POU3F3: variants seen among roughly 807,000 people sequenced by gnomAD.
POU3F3 encodes the protein POU class 3 homeobox 3, also known as POU domain, class 3, transcription factor 3.
In POU3F3, 1 loss-of-function variant was observed where a neutral mutation model predicts 8.6. The observed-to-expected ratio is 0.12, with a 90% confidence interval of 0.04 to 0.55. POU3F3 has a LOEUF of 0.55. POU3F3 is among the 20% of genes least tolerant of loss of function. The probability of loss-of-function intolerance (pLI) is 0.91; values close to 1 mark genes in which losing one functional copy is unlikely to be tolerated. For synonymous variants in POU3F3, 418 were observed against 327.4 expected, an observed-to-expected ratio of 1.28 and a Z score of -2.99; for missense variants, 577 against 690.7, an observed-to-expected ratio of 0.84 and a Z score of 1.84.
At chr2:104,909,477 C>T in the POU3F3 span, among the ~76,000 whole-genome samples, 1 of 152,246 alleles carries the variant, frequency 6.6e-6, no homozygotes, top group African/African-American at 2.4e-5. Context: ...TCTAACTTGC[C>T]TGTGATCCAT....
chr2:104,893,893 A>G, the POU3F3 span, among the ~76,000 whole-genome samples: 2 of 152,022 alleles, frequency 1.3e-5, no homozygotes, highest in African/African-American at 2.4e-5. Context: ...CAAAAAAAAA[A>G]AAAAAAAAAA....
the POU3F3 span, among the ~76,000 whole-genome samples, chr2:104,890,440 C>T: frequency 6.6e-6 from 1 of 152,158 alleles, no homozygotes; most frequent in African/African-American, 2.4e-5. Context: ...ATTCTCTTTC[C>T]TCTCCATGGC....
At position 104,856,253 on chromosome 2, in the gene POU3F3, G is replaced by C; in HGVS notation, c.743G>C (p.Gly248Ala). The change falls in exon 1 of 1, where the codon GGC becomes GCC. Residue 248 changes from glycine (G) to alanine (A), a missense_variant. Physicochemically the swap from Gly to Ala is moderately conservative, Grantham distance 60 (BLOSUM62 0). Transcript: ENST00000361360. Reference protein sequence around the residue: ...PGPGGGGGGAGGGAQSLVHPG... With the variant: ...PGPGGGGGGAAGGAQSLVHPG... ...CCCGGCGGCGGCGGCGGCGGCGCGG[G>C]CGGTGGAGCCCAGAGCTTGGTGCAC... 7.7e-7 allele frequency: 1 copy of C among 1,294,714 alleles called. No individual in the cohort carries two copies. Among genetic ancestry groups the C allele is most frequent in the Non-Finnish European group, 9.7e-7 (1 of 1,031,268 alleles). 80.2% of individuals were successfully genotyped at this position (1,294,714 alleles called of 1,614,324 possible). A position where few individuals can be genotyped will look rare whatever the true frequency, so the allele number is the denominator to read the frequency against.
At chr2:104,886,235 G>A in the POU3F3 span, among the ~76,000 whole-genome samples, 15 of 152,184 alleles carry the variant, frequency 9.9e-5, no homozygotes, top group South Asian at 1.0e-3. Context: ...CATGTGATGC[G>A]TAACAACATT....
At position 104,855,612 on chromosome 2, in the gene POU3F3, T is replaced by TGGCGGC. The variant is rs1213851181; in HGVS notation, c.117_122dup (p.Gly42_Gly43dup). On this transcript the variant is annotated inframe_insertion, in exon 1 of 1. Coordinates refer to ENST00000361360, the MANE Select transcript of POU3F3 (RefSeq NM_006236.3). ...CGGCAGGGGCTGGCGGCGGCGGGGG[T>TGGCGGC]GGCGGCGGCGGCGGCGGCGGGGGCG... 1.1e-4 allele frequency: 72 copies of TGGCGGC among 643,576 alleles called. No homozygotes were observed. The highest frequency in any genetic ancestry group is 1.6e-3 in the Middle Eastern group (2 of 1,218). The allele number at this position is 643,576 out of a possible 1,614,324, so 39.9% of individuals were successfully genotyped here. A position where few individuals can be genotyped will look rare whatever the true frequency, so the allele number is the denominator to read the frequency against.
downstream of POU3F3, among the ~76,000 whole-genome samples, chr2:104,862,806 C>T (rs1202517173): frequency 6.6e-6 from 1 of 152,160 alleles, no homozygotes; most frequent in Non-Finnish European, 1.5e-5. Context: ...TTTGTATTCT[C>T]ATTAATAAAA....
the POU3F3 span, among the ~76,000 whole-genome samples, chr2:104,874,599 T>C: frequency 6.6e-6 from 1 of 152,102 alleles, no homozygotes; most frequent in Non-Finnish European, 1.5e-5. Flanking sequence ...CCTATCTTTA[T>C]GCCTTCAAGC....
chr2:104,859,737 T>C (rs767880501), downstream of POU3F3, among the ~76,000 whole-genome samples: 1 of 152,250 alleles, frequency 6.6e-6, no homozygotes, highest in Admixed American at 6.5e-5. Context: ...CACAATCATT[T>C]TGATTTGTGA....
At chr2:104,868,591 C>T in the POU3F3 span, among the ~76,000 whole-genome samples, 2 of 152,182 alleles carry the variant, frequency 1.3e-5, no homozygotes, top group African/African-American at 4.8e-5. Flanking sequence ...CAGGCCAGAC[C>T]TCCAGACACC....
the POU3F3 span, among the ~76,000 whole-genome samples, chr2:104,901,474 AG>A: frequency 6.6e-6 from 1 of 152,214 alleles, no homozygotes; most frequent in Non-Finnish European, 1.5e-5. Flanking sequence ...CACTGCCAAC[AG>A]AGGTCACCTA....
chr2:104,872,088 A>T, the POU3F3 span, among the ~76,000 whole-genome samples: 1 of 151,806 alleles, frequency 6.6e-6, no homozygotes, highest in African/African-American at 2.4e-5. This position sits in a 1 kb window ranked among gnomAD's most constrained non-coding sequence, Gnocchi z 4.6. Context: ...ACACACACAC[A>T]CACTCTTCCT....
At chr2:104,861,800 T>A (rs1676660660), downstream of POU3F3, among the ~76,000 whole-genome samples, 1 of 152,168 alleles carries the variant, frequency 6.6e-6, no homozygotes, top group Non-Finnish European at 1.5e-5. Context: ...CTCTCCAAGT[T>A]CTGTAGGTCG....
At chr2:104,862,300 G>A (rs996090265), downstream of POU3F3, among the ~76,000 whole-genome samples, 1 of 152,200 alleles carries the variant, frequency 6.6e-6, no homozygotes, top group South Asian at 2.1e-4. Context: ...CTGGGAAGAG[G>A]GCAACAGTCA....
At chr2:104,864,354 C>A in the POU3F3 span, among the ~76,000 whole-genome samples, 3 of 152,228 alleles carry the variant, frequency 2.0e-5, no homozygotes, top group Non-Finnish European at 4.4e-5. Context: ...CCCCTTCCCC[C>A]CGCACTTTGG....
chr2:104,895,811 C>CT, the POU3F3 span, among the ~76,000 whole-genome samples: 4 of 152,156 alleles, frequency 2.6e-5, no homozygotes, highest in African/African-American at 9.7e-5. Flanking sequence ...ATTTCTGTAA[C>CT]TACTTAGGAT....
At chr2:104,864,891 A>G in the POU3F3 span, among the ~76,000 whole-genome samples, 1 of 152,214 alleles carries the variant, frequency 6.6e-6, no homozygotes, top group Admixed American at 6.5e-5. Flanking sequence ...AGAATTGCCC[A>G]GTGGAAATGG....
At chr2:104,883,651 A>G in the POU3F3 span, among the ~76,000 whole-genome samples, 100 of 152,350 alleles carry the variant, frequency 6.6e-4, no homozygotes, top group African/African-American at 2.4e-3. Context: ...CTCCCAGTAC[A>G]GAGGGGAAAA....
chr2:104,881,818 C>T, the POU3F3 span, among the ~76,000 whole-genome samples: 16 of 152,218 alleles, frequency 1.1e-4, no homozygotes, highest in Non-Finnish European at 1.5e-4. Flanking sequence ...TGCATGAACA[C>T]GTAGCAGAGT....
the POU3F3 span, among the ~76,000 whole-genome samples, chr2:104,890,036 C>T: frequency 3.5e-4 from 53 of 152,226 alleles, no homozygotes; most frequent in Non-Finnish European, 6.6e-4. Context: ...CTGCAGCTCG[C>T]GACCTCAAGG....
Sources: gnomAD v4.1 joint callset for allele counts (sites outside exome capture counted in the v4.1 genomes callset) on GRCh38, gnomAD v4.1.1 for gene constraint, Gnocchi (gnomAD v3.1) non-coding constraint, MANE v1.5 for transcripts, NCBI Gene and HGNC (gene_info 2026-07-23, HGNC 2026-07-21) for gene names.